IL27RA: variants seen among roughly 807,000 people sequenced by gnomAD.
IL27RA encodes interleukin 27 receptor subunit alpha.
Under a neutral mutation model 80.8 loss-of-function variants are expected in IL27RA, and 61 were observed. That is an observed-to-expected ratio of 0.76 (90% CI 0.61 to 0.93). IL27RA has a LOEUF of 0.93. Ranked by LOEUF, IL27RA falls within the 40% of genes least tolerant of loss-of-function variation. The probability of loss-of-function intolerance (pLI) is 0.00; values close to 1 mark genes in which losing one functional copy is unlikely to be tolerated. For synonymous variants in IL27RA, 316 were observed against 332.5 expected (o/e 0.95, Z 0.54); for missense variants, 735 against 808.1 (o/e 0.91, Z 1.10).
rs192848172 is a variant in IL27RA at position 14,053,172 on chromosome 19, A to G, written c.*882A>G. ...GGAACCTGAATCCCTGAATGACTGC[A>G]TGGATAGAACCACTAAGAAAAATAA... On this transcript the variant is annotated 3_prime_UTR_variant, in exon 14 of 14. Transcript: ENST00000263379. 1.5e-3 allele frequency: 237 copies of G among 155,506 alleles called. 1 individual carries two copies. The highest frequency in any genetic ancestry group is 2.2e-3 in the Non-Finnish European group (155 of 70,426). The allele number at this position is 155,506 out of a possible 1,614,324, so 9.6% of individuals were successfully genotyped here.
At chr19:14,052,056 G>T in intron 13 of IL27RA, 40 bp from the exon 14 acceptor site, 1 of 1,596,648 alleles carries the variant, frequency 6.3e-7, no homozygotes, top group East Asian at 2.3e-5. Context: ...GGTGTGGGTC[G>T]GGGAGGCTGG....
chr19:14,038,095 G>A (rs576473914), intron 2 of IL27RA, among the ~76,000 whole-genome samples: 22 of 151,906 alleles, frequency 1.4e-4, no homozygotes, highest in Non-Finnish European at 2.6e-4. Context: ...CTCCCAAAGT[G>A]CTAGGATTAC....
chr19:14,046,447 C>G lies in IL27RA; in HGVS notation c.970C>G (p.Arg324Gly). ...CCCTCCAGATTCAGCCTCTGCCCCC[C>G]GTAGCGTGGCAGTCAGCAGCATCGC... ...LVCLDSASAP[R>G]SVAVSSIAGS... The change falls in exon 8 of 14, where the codon CGT becomes GGT. Residue 324 changes from arginine (R) to glycine (G), a missense_variant. Physicochemically the swap from Arg to Gly is moderately radical, Grantham distance 125 (BLOSUM62 -2). Transcript: ENST00000263379. 1.2e-6 allele frequency: 2 copies of G among 1,614,166 alleles called. No homozygotes were observed. Among genetic ancestry groups the G allele is most frequent in the Non-Finnish European group, 1.7e-6 (2 of 1,180,030 alleles).
In IL27RA at chr19:14,046,471, G is replaced by T. The variant is rs142872243; in HGVS notation, c.994G>T (p.Ala332Ser). Residue 332 changes from alanine to serine, a missense_variant, in exon 8 of 14, where the codon GCT becomes TCT. Coordinates refer to ENST00000263379, the MANE Select transcript of IL27RA (RefSeq NM_004843.4). The stretch of plus-strand genomic sequence containing the variant: ...CCGTAGCGTGGCAGTCAGCAGCATC[G>T]CTGGGAGCACGGAGCTACTGGTGAC... ...APRSVAVSSI[A>S]GSTELLVTWQ... is the part of the protein sequence containing the mutation. 5 of 1,614,006 alleles carry T rather than the reference G, an allele frequency of 3.1e-6. No individual in the cohort carries two copies. Among genetic ancestry groups the T allele is most frequent in the African/African-American group, 1.3e-5 (1 of 74,896 alleles).
rs139127887 is a variant in IL27RA, at chr19:14,041,198, C to T, written c.535-1255C>T. 1.7e-3 allele frequency among the ~76,000 whole-genome samples: 247 copies of T among 148,736 alleles called. 2 individuals carry two copies. Among genetic ancestry groups the T allele is most frequent in the South Asian group, 6.6e-3 (31 of 4,678 alleles). ...GATTACAGGCATGAGCCACTGCACC[C>T]GGCCCCCTTTTTTTTTTGAGACGGA... is the stretch of plus-strand genomic sequence containing the variant. On this transcript the variant is annotated intron_variant, in intron 4 of 13. Transcript: ENST00000263379.
At position 14,042,479 on chromosome 19, in the gene IL27RA, C is replaced by T. The variant is rs773827627; in HGVS notation, c.561C>T (p.Pro187=). The change falls in exon 5 of 14, where the codon CCC becomes CCT. Residue 187 remains proline (P), a synonymous_variant. Coordinates refer to ENST00000263379, the MANE Select transcript of IL27RA (RefSeq NM_004843.4). ...TGGAACCGGAGCTGAAGACCATACC[C>T]CTGACCCCTGTTGAGATCCAAGATT... ...TLLEPELKTI[P]LTPVEIQDLE... is the part of the protein sequence containing the mutation. 4.3e-6 allele frequency: 7 copies of T among 1,614,192 alleles called. No homozygotes were observed. Among genetic ancestry groups the T allele is most frequent in the Non-Finnish European group, 5.9e-6 (7 of 1,180,040 alleles).
At chr19:14,049,353 C>G (rs1403816860) in intron 10 of IL27RA, 39 bp downstream of exon 10, 2 of 1,589,606 alleles carry the variant, frequency 1.3e-6, no homozygotes, top group African/African-American at 1.3e-5. Context: ...TCCCAGCCCC[C>G]ACAAGACCCA....
chr19:14,040,838 AAAG>A (rs748563198), intron 4 of IL27RA, among the ~76,000 whole-genome samples: 35 of 152,214 alleles, frequency 2.3e-4, no homozygotes, highest in East Asian at 1.7e-3. Context: ...TCAAAAAAAA[AAAG>A]AAGAAGAAGA....
intron 2 of IL27RA, among the ~76,000 whole-genome samples, chr19:14,034,825 C>T (rs1975874482): frequency 1.3e-5 from 2 of 149,064 alleles, no homozygotes; most frequent in Non-Finnish European, 3.0e-5. Flanking sequence ...TGGTGGCTGG[C>T]GCCTGTAGTC....
chr19:14,036,120 G>T (rs1568499127), intron 2 of IL27RA, among the ~76,000 whole-genome samples: 1 of 150,942 alleles, frequency 6.6e-6, no homozygotes, highest in African/African-American at 2.4e-5. Context: ...AGAAGAGGAA[G>T]AGGAGGGAAA....
At chr19:14,035,356 A>G (rs905005901) in intron 2 of IL27RA, among the ~76,000 whole-genome samples, 1 of 151,550 alleles carries the variant, frequency 6.6e-6, no homozygotes, top group African/African-American at 2.4e-5. Context: ...GTACATTCCC[A>G]TGGTGCTATC....
chr19:14,042,456 G>C lies in IL27RA; in HGVS notation c.538G>C (p.Glu180Gln). 1 of 1,613,652 alleles carries C rather than the reference G, an allele frequency of 6.2e-7. No individual in the cohort carries two copies. The highest frequency in any genetic ancestry group is 2.2e-5 in the East Asian group (1 of 44,868). ...RCQEAAWTLL[E>Q]PELKTIPLTP... is the part of the protein sequence containing the mutation. ...CGCTCGCCTGTCTCTCCCCCAGCTGGAACCGGAGCTGAAGACCATACCCCT... is the reference window on the plus strand; with the variant it reads ...CGCTCGCCTGTCTCTCCCCCAGCTGCAACCGGAGCTGAAGACCATACCCCT... Residue 180 changes from glutamate to glutamine, a missense_variant, in exon 5 of 14, where the codon GAA becomes CAA. Physicochemically the swap from Glu to Gln is conservative, Grantham distance 29 (BLOSUM62 2). Coordinates refer to ENST00000263379, the MANE Select transcript of IL27RA (RefSeq NM_004843.4).
At chr19:14,048,699 G>C (rs762225398) in intron 8 of IL27RA, among the ~76,000 whole-genome samples, 1 of 152,106 alleles carries the variant, frequency 6.6e-6, no homozygotes, top group African/African-American at 2.4e-5. Context: ...CCCCAGCTCC[G>C]TCCCCCTGAG....
intron 8 of IL27RA, 84 bp from the exon 9 acceptor site, chr19:14,048,897 C>T: frequency 1.7e-6 from 2 of 1,184,588 alleles, no homozygotes; most frequent in East Asian, 2.3e-5. Context: ...GGGTGTCCTT[C>T]TGGGGACCCC....
rs1429420147 is a variant in IL27RA, at chr19:14,050,968, G to GCC, written c.1528+86_1528+87insCC. 25 of 1,417,044 alleles carry GCC rather than the reference G, an allele frequency of 1.8e-5. No homozygotes were observed. The Admixed American group carries it at 2.8e-4, about 16-fold the overall frequency. 87.8% of individuals were successfully genotyped at this position (1,417,044 alleles called of 1,614,324 possible). On this transcript the variant is annotated intron_variant, in intron 11 of 13. Transcript: ENST00000263379. Reference sequence around the variant, plus strand: ...TAGCATCTGGAGTCATTACTTGGAAGCTAGGTGCAGTGGCTCACCCCTGTA... The same window carrying GCC: ...TAGCATCTGGAGTCATTACTTGGAAGCCCTAGGTGCAGTGGCTCACCCCTGTA...
rs1385138406 is a variant in IL27RA, at chr19:14,031,851, C to T, written c.-22C>T. ...GCGGACCCGGCAAGGCTGGGCCGGA[C>T]TCGGGGCTCCCGAGGGACGCCATGC... On this transcript the variant is annotated 5_prime_UTR_variant, in exon 1 of 14. Transcript: ENST00000263379. 1.3e-6 allele frequency: 2 copies of T among 1,573,782 alleles called. No homozygotes were observed. The highest frequency in any genetic ancestry group is 8.6e-7 in the Non-Finnish European group (1 of 1,160,914).
chr19:14,042,657 C>G (rs751093690), intron 5 of IL27RA, 45 bp downstream of exon 5: 1 of 1,613,930 alleles, frequency 6.2e-7, no homozygotes, highest in South Asian at 1.1e-5. Context: ...CCTCCCACCC[C>G]CAGAAGTCTG....
Position 14,052,377 on chromosome 19 carries a change from G to T in IL27RA, c.*87G>T, listed in dbSNP as rs1444144045. On this transcript the variant is annotated 3_prime_UTR_variant, in exon 14 of 14. Coordinates refer to ENST00000263379, the MANE Select transcript of IL27RA (RefSeq NM_004843.4). ...CAGTCCTGGATTAGCCCTCTTGATG[G>T]ATGAAGACACTGAGGACTCAGAGAG... 1.8e-6 allele frequency: 2 copies of T among 1,097,468 alleles called. No homozygotes were observed. The highest frequency in any genetic ancestry group is 3.2e-5 in the African/African-American group (2 of 62,460). The allele number at this position is 1,097,468 out of a possible 1,614,324, so 68.0% of individuals were successfully genotyped here.
chr19:14,037,834 C>CTCTTTTTTT (rs77898584), intron 2 of IL27RA, among the ~76,000 whole-genome samples: 3 of 129,420 alleles, frequency 2.3e-5, no homozygotes, highest in Admixed American at 8.1e-5. Context: ...CTCTCTCTCT[C>CTCTTTTTTT]TTTTTTTTTT....
Sources: allele counts gnomAD v4.1 joint callset (sites outside exome capture counted in the v4.1 genomes callset), GRCh38; gene constraint gnomAD v4.1.1; transcripts MANE v1.5; gene names NCBI Gene and HGNC (gene_info 2026-07-23, HGNC 2026-07-21).